TXK: variants seen among roughly 807,000 people sequenced by gnomAD.
The protein encoded by TXK is TXK tyrosine kinase.
A neutral mutation model predicts 81.0 loss-of-function variants in TXK; 60 were observed. The observed-to-expected ratio is 0.74, with a 90% CI of 0.60 to 0.92. The LOEUF (loss-of-function observed/expected upper bound fraction) is 0.92, where lower values mean the gene tolerates loss of function less well. Among genes scored for constraint, TXK ranks in the 40% least tolerant of loss-of-function variants. TXK has a pLI of 0.00. For missense variants in TXK, 581 were observed against 638.3 expected (o/e 0.91, Z 0.97); for synonymous variants, 203 against 210.7 (o/e 0.96, Z 0.32).
chr4:48,066,631 CT>C lies in TXK; in HGVS notation c.*1005del, dbSNP rs1320494872. 2 of 152,168 alleles carry C rather than the reference CT, an allele frequency of 1.3e-5. No homozygotes were observed. The highest frequency in any genetic ancestry group is 6.5e-5 in the Admixed American group (1 of 15,284). 9.4% of individuals were successfully genotyped at this position (152,168 alleles called of 1,614,324 possible). A position where few individuals can be genotyped will look rare whatever the true frequency, so the allele number is the denominator to read the frequency against. On this transcript the variant is annotated 3_prime_UTR_variant, in exon 15 of 15. Coordinates refer to ENST00000264316, the MANE Select transcript of TXK (RefSeq NM_003328.3). ...CATTAGTGCTTTCTCCAGTATCTTT[CT>C]TCCTATTGTACTCCTGAAGCACTCA...
At chr4:48,075,344 T>C (rs1317492902) in intron 12 of TXK, among the ~76,000 whole-genome samples, 1 of 152,084 alleles carries the variant, frequency 6.6e-6, no homozygotes, top group Non-Finnish European at 1.5e-5. Context: ...GATCACACCA[T>C]GGAGTTTTGT....
chr4:48,094,135 T>G lies in TXK; in HGVS notation c.651A>C (p.Glu217Asp). ...KNDSGQWYVA[E>D]RHAFQSIPEL... ...CAGGGATTGATTGAAAGGCGTGTCT[T>G]TCAGCCACATACCACTGTCCTGAGT... The change falls in exon 8 of 15, where the codon GAA becomes GAC. Residue 217 changes from glutamate (E) to aspartate (D), a missense_variant. Glu to Asp is a conservative substitution (Grantham distance 45). Coordinates refer to ENST00000264316, the MANE Select transcript of TXK (RefSeq NM_003328.3). The G allele has an allele frequency of 6.2e-7, 1 of 1,613,902 alleles. No individual in the cohort carries two copies. Among genetic ancestry groups the G allele is most frequent in the South Asian group, 1.1e-5 (1 of 91,062 alleles).
At chr4:48,071,745 C>T in intron 13 of TXK, 71 bp from the exon 14 acceptor site, 1 of 1,550,084 alleles carries the variant, frequency 6.5e-7, no homozygotes, top group Non-Finnish European at 8.8e-7. Flanking sequence ...AGAACAATTT[C>T]AAACTACAAG....
At chr4:48,072,134 G>T (rs1716886268) in intron 13 of TXK, among the ~76,000 whole-genome samples, 1 of 151,864 alleles carries the variant, frequency 6.6e-6, no homozygotes, top group Non-Finnish European at 1.5e-5. Flanking sequence ...CTCCTGAGTT[G>T]CTGGGATTAT....
intron 4 of TXK, among the ~76,000 whole-genome samples, chr4:48,111,605 T>G (rs1310123900): frequency 6.6e-6 from 1 of 152,222 alleles, no homozygotes; most frequent in African/African-American, 2.4e-5. Context: ...CACCACATGT[T>G]GAGAACTGTT....
intron 14 of TXK, among the ~76,000 whole-genome samples, chr4:48,070,749 T>G (rs1716812656): frequency 6.6e-6 from 1 of 151,858 alleles, no homozygotes; most frequent in Non-Finnish European, 1.5e-5. Context: ...TGGCTAATTT[T>G]TGTATTTTTA....
intron 1 of TXK, among the ~76,000 whole-genome samples, chr4:48,115,277 AC>A (rs1180983523): frequency 3.3e-5 from 5 of 151,858 alleles, no homozygotes; most frequent in Admixed American, 2.6e-4. Flanking sequence ...TTCAACTCCC[AC>A]TTATGAGTGA....
chr4:48,134,065 C>T, intron 1 of TXK, 90 bp downstream of exon 1: 2 of 1,452,020 alleles, frequency 1.4e-6, no homozygotes, highest in African/African-American at 1.4e-5. Flanking sequence ...AAGCTCTATG[C>T]CTTGGAAAAA....
intron 5 of TXK, among the ~76,000 whole-genome samples, chr4:48,105,613 C>T (rs569354050): frequency 6.6e-6 from 1 of 152,008 alleles, no homozygotes; most frequent in Non-Finnish European, 1.5e-5. Context: ...ACACCAGAAA[C>T]CCAATACCCA....
chr4:48,076,349 C>A, intron 12 of TXK, 53 bp downstream of exon 12: 2 of 1,298,966 alleles, frequency 1.5e-6, no homozygotes, highest in South Asian at 1.4e-5. Context: ...GTAAGATTCC[C>A]TCTTATGAGT....
At chr4:48,111,538 G>A (rs993031713) in intron 4 of TXK, among the ~76,000 whole-genome samples, 3 of 152,216 alleles carry the variant, frequency 2.0e-5, no homozygotes, top group African/African-American at 7.2e-5. Flanking sequence ...ACCCGCAGGT[G>A]TGGCTAATTA....
In TXK at chr4:48,086,738, T is replaced by TA. The variant is rs1209771666; in HGVS notation, c.785-102dup. On this transcript the variant is annotated intron_variant, in intron 9 of 14. Coordinates refer to ENST00000264316, the MANE Select transcript of TXK (RefSeq NM_003328.3). ...AGTATCTATTATTTGACAGAGAGGTTAAAAAATGTATAAAGTGGAGAGGAT... is the reference window on the plus strand; with the variant it reads ...AGTATCTATTATTTGACAGAGAGGTTAAAAAAATGTATAAAGTGGAGAGGAT... The TA allele has an allele frequency of 5.5e-6, 6 of 1,086,838 alleles. No homozygotes were observed. In the African/African-American group the frequency reaches 6.3e-5, roughly 11 times the overall value. 67.3% of individuals were successfully genotyped at this position (1,086,838 alleles called of 1,614,324 possible). A position where few individuals can be genotyped will look rare whatever the true frequency, so the allele number is the denominator to read the frequency against.
chr4:48,121,580 C>A (rs1337422440), intron 1 of TXK, among the ~76,000 whole-genome samples: 2 of 152,230 alleles, frequency 1.3e-5, no homozygotes, highest in African/African-American at 4.8e-5. Flanking sequence ...AACCTACACA[C>A]TTCCTCACAT....
chr4:48,132,797 CT>C (rs1203918976), intron 1 of TXK, among the ~76,000 whole-genome samples: 1 of 151,870 alleles, frequency 6.6e-6, no homozygotes, highest in Non-Finnish European at 1.5e-5. Flanking sequence ...AATAGAAAAA[CT>C]AGCCAGGCAT....
intron 5 of TXK, among the ~76,000 whole-genome samples, chr4:48,109,124 C>T (rs1718549850): frequency 6.6e-6 from 1 of 151,570 alleles, no homozygotes; most frequent in South Asian, 2.1e-4. Context: ...AGCTTCAGCT[C>T]AGGATAGCAG....
intron 1 of TXK, among the ~76,000 whole-genome samples, chr4:48,133,290 G>A (rs1177542197): frequency 1.3e-5 from 2 of 151,884 alleles, no homozygotes; most frequent in Non-Finnish European, 2.9e-5. Context: ...TCAAACCAAG[G>A]ATCTTCACAG....
intron 6 of TXK, 142 bp from the exon 7 acceptor site, chr4:48,095,364 T>G (rs911215276): frequency 4.8e-6 from 3 of 624,322 alleles, no homozygotes; most frequent in African/African-American, 1.9e-5. Flanking sequence ...TTAGATTGTC[T>G]TTACAAGTAC....
At chr4:48,105,303 T>C (rs1031972552) in intron 5 of TXK, among the ~76,000 whole-genome samples, 1 of 152,170 alleles carries the variant, frequency 6.6e-6, no homozygotes, top group Non-Finnish European at 1.5e-5. Context: ...GAAAAAATAC[T>C]CATTTCTGTC....
chr4:48,118,706 C>T (rs1718876765), intron 1 of TXK, among the ~76,000 whole-genome samples: 1 of 152,162 alleles, frequency 6.6e-6, no homozygotes, highest in Non-Finnish European at 1.5e-5. Flanking sequence ...AAGCCAGCAT[C>T]TTGCCCTCTC....
Sources: gnomAD v4.1 joint callset for allele counts (sites outside exome capture counted in the v4.1 genomes callset) on GRCh38, gnomAD v4.1.1 for gene constraint, MANE v1.5 for transcripts, NCBI Gene and HGNC (gene_info 2026-07-23, HGNC 2026-07-21) for gene names.